SORL1: variants seen among roughly 807,000 people sequenced by gnomAD.
The protein encoded by SORL1 is sortilin-related receptor.
SORL1 carries 127 observed loss-of-function variants against 273.7 expected under a neutral mutation model. The ratio of observed to expected loss-of-function variants is 0.46; its 90% CI spans 0.40 to 0.54. SORL1 has a LOEUF of 0.54. Among genes scored for constraint, SORL1 ranks in the 20% least tolerant of loss-of-function variants. SORL1 has a pLI of 0.00. For missense variants in SORL1, 2,494 were observed against 2,846.1 expected (o/e 0.88, Z 2.81); for synonymous variants, 1,031 against 1,067.4 (o/e 0.97, Z 0.66).
chr11:121,553,850 T>C, intron 16 of SORL1, 87 bp from the exon 17 acceptor site: 1 of 1,300,888 alleles, frequency 7.7e-7, no homozygotes, highest in Non-Finnish European at 1.1e-6. Flanking sequence ...TTGAGGTTTG[T>C]GTATGAGAAA....
rs747161620 is a variant in SORL1 at position 121,608,184 on chromosome 11, A to T, written c.5239+8A>T. The T allele has an allele frequency of 6.2e-7, 1 of 1,606,304 alleles. No homozygotes were observed. Among genetic ancestry groups the T allele is most frequent in the Non-Finnish European group, 8.5e-7 (1 of 1,172,984 alleles). ...CCACCATAAAAGGAAAAGGTAAATG[A>T]TCCCAGCATTTGCAGATTTAGAGAA... On this transcript the variant is annotated splice_region_variant and intron_variant, in intron 38 of 47. Transcript: ENST00000260197.
chr11:121,616,741 CAA>C (rs1451375809), intron 41 of SORL1, among the ~76,000 whole-genome samples: 2 of 152,344 alleles, frequency 1.3e-5, no homozygotes, highest in South Asian at 2.1e-4. Flanking sequence ...CATCTGTCAA[CAA>C]AAAGAGTCAA....
At chr11:121,486,053 G>A (rs995133232) in intron 3 of SORL1, among the ~76,000 whole-genome samples, 1 of 152,198 alleles carries the variant, frequency 6.6e-6, no homozygotes, top group Non-Finnish European at 1.5e-5. Context: ...GGTCCACACC[G>A]AGGCTGTGGC....
At position 121,496,950 on chromosome 11, in the gene SORL1, T is replaced by C. The variant is rs766208571; in HGVS notation, c.840T>C (p.Ser280=). 2.5e-6 allele frequency: 4 copies of C among 1,614,018 alleles called. No homozygotes were observed. In the South Asian group the frequency reaches 4.4e-5, roughly 18 times the overall value. ...CTGGCTACTCCACTGTCTTCCGAAG[T>C]ACAGATTTCTTCCAGTCCCGGGAAA... ...EPSGYSTVFR[S]TDFFQSRENQ... is the part of the protein sequence containing the mutation. Residue 280 remains serine (S), a synonymous_variant, in exon 6 of 48, where the codon AGT becomes AGC. Coordinates refer to ENST00000260197, the MANE Select transcript of SORL1 (RefSeq NM_003105.6).
At position 121,596,867 on chromosome 11, in the gene SORL1, A is replaced by G. The variant is rs1177925106; in HGVS notation, c.4519+1095A>G. 4.6e-5 allele frequency among the ~76,000 whole-genome samples: 7 copies of G among 152,050 alleles called. No individual in the cohort carries two copies. In the South Asian group the frequency reaches 6.2e-4, roughly 13 times the overall value. ...CTTAAAATAATGACTTCCTCAACCA[A>G]TGAAAAACTGAGCCTCACTTGGAAT... On this transcript the variant is annotated intron_variant, in intron 32 of 47. Coordinates refer to ENST00000260197, the MANE Select transcript of SORL1 (RefSeq NM_003105.6). This position sits in a 1 kb window ranked among gnomAD's most constrained non-coding sequence, Gnocchi z 4.3.
intron 6 of SORL1, among the ~76,000 whole-genome samples, chr11:121,500,355 A>G (rs1244116265): frequency 3.3e-5 from 5 of 152,222 alleles, no homozygotes; most frequent in Non-Finnish European, 7.3e-5. Flanking sequence ...AAGCAAAGAC[A>G]TGATCTGTGG....
At chr11:121,481,070 G>A (rs1356146651) in intron 3 of SORL1, among the ~76,000 whole-genome samples, 4 of 112,062 alleles carry the variant, frequency 3.6e-5, no homozygotes, top group African/African-American at 7.8e-5. Flanking sequence ...GATACCTATA[G>A]GCAGGCTTCA....
At chr11:121,479,069 C>T (rs1449128105) in intron 3 of SORL1, among the ~76,000 whole-genome samples, 2 of 152,126 alleles carry the variant, frequency 1.3e-5, no homozygotes, top group Non-Finnish European at 2.9e-5. Context: ...GGCCTCTGAA[C>T]CTGTACCGAT....
intron 10 of SORL1, 48 bp downstream of exon 10, chr11:121,522,751 G>A (rs2134858410): frequency 6.7e-7 from 1 of 1,496,624 alleles, no homozygotes; most frequent in South Asian, 1.1e-5. Context: ...GTCTGGTGAT[G>A]TGCAGGCCAA....
chr11:121,485,699 C>G (rs1232146487), intron 3 of SORL1, among the ~76,000 whole-genome samples: 7 of 152,170 alleles, frequency 4.6e-5, no homozygotes, highest in Non-Finnish European at 1.0e-4. Flanking sequence ...TGCTTCCTTC[C>G]CCAATAACCT....
At chr11:121,501,557 G>A (rs1174107746) in intron 6 of SORL1, among the ~76,000 whole-genome samples, 1 of 152,230 alleles carries the variant, frequency 6.6e-6, no homozygotes, top group Non-Finnish European at 1.5e-5. Context: ...TAGACTCACA[G>A]TTCCACATGG....
At chr11:121,458,682 A>G (rs1487141805) in intron 1 of SORL1, among the ~76,000 whole-genome samples, 9 of 152,156 alleles carry the variant, frequency 5.9e-5, no homozygotes, top group Admixed American at 5.9e-4. Context: ...GACCTAATTT[A>G]TTGGCTTATC....
At position 121,594,216 on chromosome 11, in the gene SORL1, C is replaced by T. The variant is rs374814831; in HGVS notation, c.4370-1407C>T. 1.1e-4 allele frequency among the ~76,000 whole-genome samples: 16 copies of T among 152,038 alleles called. No individual in the cohort carries two copies. The East Asian group carries it at 2.1e-3, about 20-fold the overall frequency. On this transcript the variant is annotated intron_variant, in intron 31 of 47. Transcript: ENST00000260197. The stretch of plus-strand genomic sequence containing the variant: ...TAAAATTTCACAATGATGTGCTTTG[C>T]TCTGAGACCCTTTCCATCCAACATA...
intron 24 of SORL1, among the ~76,000 whole-genome samples, chr11:121,576,399 T>G (rs1377686270): frequency 6.6e-6 from 1 of 152,160 alleles, no homozygotes. Flanking sequence ...TCCCACCTCT[T>G]TCTTAAGGAC....
chr11:121,554,021 T>A lies in SORL1; in HGVS notation c.2351T>A (p.Leu784His), dbSNP rs1722503413. 1 of 1,614,218 alleles carries A rather than the reference T, an allele frequency of 6.2e-7. No homozygotes were observed. Among genetic ancestry groups the A allele is most frequent in the Non-Finnish European group, 8.5e-7 (1 of 1,180,030 alleles). Residue 784 changes from leucine (L) to histidine (H), a missense_variant, in exon 17 of 48, where the codon CTC becomes CAC. Leu to His is a moderately conservative substitution (Grantham distance 99). Coordinates refer to ENST00000260197, the MANE Select transcript of SORL1 (RefSeq NM_003105.6). The surrounding 1 kb of genome is among the most constrained non-coding windows in gnomAD (Gnocchi z 4.6). Reference protein sequence around the residue: ...LASGATEQLPLTGLRAAVALD... With the variant: ...LASGATEQLPHTGLRAAVALD... ...TCGGGAGCCACCGAGCAGTTGCCTC[T>A]CACCGGGCTACGGGCAGCAGTGGCC...
At chr11:121,521,196 G>C (rs1862038012) in intron 9 of SORL1, among the ~76,000 whole-genome samples, 1 of 152,082 alleles carries the variant, frequency 6.6e-6, no homozygotes, top group Admixed American at 6.5e-5. Context: ...TAATGTATCT[G>C]TGGCCCTTGG....
rs769915642 is a variant in SORL1, at chr11:121,596,791, G to A, written c.4519+1019G>A. ...CAAGCCCTAACCCTAAGCAGCAAAC[G>A]CCTCAGTTCCTCCACTTTGATCCCT... is the stretch of plus-strand genomic sequence containing the variant. On this transcript the variant is annotated intron_variant, in intron 32 of 47. Transcript: ENST00000260197. This position sits in a 1 kb window ranked among gnomAD's most constrained non-coding sequence, Gnocchi z 4.3. 1.3e-5 allele frequency among the ~76,000 whole-genome samples: 2 copies of A among 151,998 alleles called. No individual in the cohort carries two copies. The highest frequency in any genetic ancestry group is 6.6e-5 in the Admixed American group (1 of 15,264).
At chr11:121,586,696 GGGGGGGGGC>G (rs1308939011) in intron 27 of SORL1, among the ~76,000 whole-genome samples, 1 of 12,182 alleles carries the variant, frequency 8.2e-5, no homozygotes, top group Non-Finnish European at 4.0e-4. Context: ...GGTAGAGTGG[GGGGGGGGGC>G]GGGGGGGGGG....
chr11:121,541,104 G>T (rs1862340211), intron 12 of SORL1, among the ~76,000 whole-genome samples: 1 of 152,198 alleles, frequency 6.6e-6, no homozygotes, highest in African/African-American at 2.4e-5. Flanking sequence ...CCTTGTGAGA[G>T]ATTTGTAGGG....
Sources: allele counts gnomAD v4.1 joint callset (sites outside exome capture counted in the v4.1 genomes callset), GRCh38; gene constraint gnomAD v4.1.1; non-coding constraint Gnocchi (gnomAD v3.1); transcripts MANE v1.5; gene names NCBI Gene and HGNC (gene_info 2026-07-23, HGNC 2026-07-21).